The following AKT1S1 variants were observed in gnomAD, a reference collection of about 807,000 sequenced individuals.
AKT1S1 encodes the protein proline-rich AKT1 substrate 1.
In AKT1S1, 17 loss-of-function variants were observed where a neutral mutation model predicts 21.2. That is an observed-to-expected ratio of 0.80 (90% CI 0.55 to 1.20). The LOEUF is 1.20. AKT1S1 is among the 50% of genes most tolerant of loss of function. The pLI is 0.00. For synonymous variants in AKT1S1, 181 were observed against 165.6 expected (o/e 1.09, Z -0.72); for missense variants, 366 against 368.3 (o/e 0.99, Z 0.05).
intron 1 of AKT1S1, chr19:49,875,057 C>T (rs1263045257): frequency 6.6e-6 from 1 of 152,244 alleles, no homozygotes; most frequent in Non-Finnish European, 1.5e-5. Flanking sequence ...AAGATGGGAT[C>T]AACCTTCTCA....
In AKT1S1 at chr19:49,871,734, C is replaced by T. The variant is rs2122371020; in HGVS notation, c.458-18G>A. 6.2e-7 allele frequency: 1 copy of T among 1,611,648 alleles called. No individual in the cohort carries two copies. Among genetic ancestry groups the T allele is most frequent in the East Asian group, 2.2e-5 (1 of 44,840 alleles). On this transcript the variant is annotated intron_variant, in intron 3 of 4. Coordinates refer to ENST00000344175, the MANE Select transcript of AKT1S1 (RefSeq NM_001098633.4). ...GCTGCCATCTGAAAGAGAGGGTGGA[C>T]TTCAGCTTCTGTCCCTGCCTTTGTG... is the stretch of plus-strand genomic sequence containing the variant.
Position 49,871,847 on chromosome 19 carries a change from G to T in AKT1S1, c.422C>A (p.Pro141His), listed in dbSNP as rs781699220. 18 of 1,611,722 alleles carry T rather than the reference G, an allele frequency of 1.1e-5. No individual in the cohort carries two copies. In the African/African-American group the frequency reaches 1.6e-4, roughly 14 times the overall value. ...MDEDATLQDLPPFCESDPEST... is the reference protein window; with the variant it reads ...MDEDATLQDLHPFCESDPEST... ...CTCGGGGTCTGACTCACAGAAGGGG[G>T]GAAGGTCCTGGAGGGTGGCGTCCTC... The change falls in exon 3 of 5, where the codon CCC becomes CAC. Residue 141 changes from proline (P) to histidine (H), a missense_variant. Transcript: ENST00000344175.
At chr19:49,876,390 G>A in intron 1 of AKT1S1, 1 of 1,133,710 alleles carries the variant, frequency 8.8e-7, no homozygotes, top group Non-Finnish European at 1.1e-6. Context: ...GAACCGCAAG[G>A]TGAGACTGTC....
In AKT1S1 at chr19:49,869,920, A is replaced by G. The variant is rs369289733; in HGVS notation, c.768T>C (p.Tyr256=). 1.1e-5 allele frequency: 17 copies of G among 1,521,846 alleles called. No individual in the cohort carries two copies. The highest frequency in any genetic ancestry group is 3.4e-4 in the Middle Eastern group (2 of 5,876). The allele number at this position is 1,521,846 out of a possible 1,614,324, so 94.3% of individuals were successfully genotyped here. ...TSDFQKLKRK[Y] ...CGGGGCGCTCCCTCCCTGGACTTCAATATTTCCGCTTCAGCTTCTGGAAGT... is the reference window on the plus strand; with the variant it reads ...CGGGGCGCTCCCTCCCTGGACTTCAGTATTTCCGCTTCAGCTTCTGGAAGT... Residue 256 remains tyrosine, a synonymous_variant, in exon 5 of 5, where the codon TAT becomes TAC. Coordinates refer to ENST00000344175, the MANE Select transcript of AKT1S1 (RefSeq NM_001098633.4).
At position 49,869,742 on chromosome 19, in the gene AKT1S1, G is replaced by GTATCATTAAAAAA; in HGVS notation, c.*174_*175insTTTTTTAATGATA. 1 of 685,226 alleles carries GTATCATTAAAAAA rather than the reference G, an allele frequency of 1.5e-6. No homozygotes were observed. The allele number at this position is 685,226 out of a possible 1,614,324, so 42.4% of individuals were successfully genotyped here. The stretch of plus-strand genomic sequence containing the variant: ...CGGGACAGATGCCGCTCCTCGGCGC[G>GTATCATTAAAAAA]GCAGGTCGTGGGCTGGAAGGACGGC... On this transcript the variant is annotated 3_prime_UTR_variant, in exon 5 of 5. Coordinates refer to ENST00000344175, the MANE Select transcript of AKT1S1 (RefSeq NM_001098633.4).
At chr19:49,878,353 G>C, upstream of AKT1S1, 1 of 1,244,460 alleles carries the variant, frequency 8.0e-7, no homozygotes, top group Non-Finnish European at 1.1e-6. Flanking sequence ...GGGACCTGAA[G>C]AAGGCTGGGT....
chr19:49,870,206 C>A, intron 4 of AKT1S1, 146 bp from the exon 5 acceptor site: 1 of 999,746 alleles, frequency 1.0e-6, no homozygotes, highest in Non-Finnish European at 1.3e-6. Context: ...CCACTGCCAG[C>A]AGTGCCCCTC....
rs1568665541 is a variant in AKT1S1, at chr19:49,869,880, G to A, written c.*37C>T. 3 of 1,442,742 alleles carry A rather than the reference G, an allele frequency of 2.1e-6. No individual in the cohort carries two copies. Among genetic ancestry groups the A allele is most frequent in the Admixed American group, 2.4e-5 (1 of 42,410 alleles). 89.4% of individuals were successfully genotyped at this position (1,442,742 alleles called of 1,614,324 possible). A position where few individuals can be genotyped will look rare whatever the true frequency, so the allele number is the denominator to read the frequency against. ...GTGGGGCGGGGGCGTAGTGTGGGAC[G>A]GGGCGGACGCGGCCCGGGGCGCTCC... On this transcript the variant is annotated 3_prime_UTR_variant, in exon 5 of 5. Transcript: ENST00000344175.
Position 49,869,743 on chromosome 19 carries a change from G to T in AKT1S1, c.*174C>A. ...GGGACAGATGCCGCTCCTCGGCGCG[G>T]CAGGTCGTGGGCTGGAAGGACGGCG... On this transcript the variant is annotated 3_prime_UTR_variant, in exon 5 of 5. Transcript: ENST00000344175. 2.9e-6 allele frequency: 2 copies of T among 698,236 alleles called. No homozygotes were observed. The highest frequency in any genetic ancestry group is 4.3e-6 in the Non-Finnish European group (2 of 467,578). 43.3% of individuals were successfully genotyped at this position (698,236 alleles called of 1,614,324 possible).
In AKT1S1 at chr19:49,869,780, A is replaced by G; in HGVS notation, c.*137T>C. On this transcript the variant is annotated 3_prime_UTR_variant, in exon 5 of 5. Transcript: ENST00000344175. ...CTGGAAGGACGGCGGGGATTGGCAG[A>G]GGCGGGACAATCTTGGGAATGGGAG... 1.9e-6 allele frequency: 2 copies of G among 1,026,596 alleles called. No homozygotes were observed. Among genetic ancestry groups the G allele is most frequent in the South Asian group, 2.4e-5 (1 of 41,386 alleles). The allele number at this position is 1,026,596 out of a possible 1,614,324, so 63.6% of individuals were successfully genotyped here. A position where few individuals can be genotyped will look rare whatever the true frequency, so the allele number is the denominator to read the frequency against.
At chr19:49,878,207 C>T (rs753384830), upstream of AKT1S1, 7 of 1,565,562 alleles carry the variant, frequency 4.5e-6, no homozygotes, top group South Asian at 1.2e-5. Context: ...GACCGAGACT[C>T]TCTCATCGCT....
chr19:49,877,543 TCCA>T, upstream of AKT1S1: 1 of 583,442 alleles, frequency 1.7e-6, no homozygotes, highest in Non-Finnish European at 2.9e-6. Context: ...GTGACTCCGA[TCCA>T]CCCTCGAGGT....
rs1224744096 is a variant in AKT1S1, at chr19:49,873,660, C to G, written c.-7-358G>C. ...AGAGTCCTAGCAGAGAGGCCTCTAA[C>G]AATAAAACCTGCACTGGGTTCTGAA... On this transcript the variant is annotated intron_variant, in intron 1 of 4. Transcript: ENST00000344175. The surrounding 1 kb of genome is among the most constrained non-coding windows in gnomAD (Gnocchi z 6.9). The G allele has an allele frequency of 3.9e-6, 1 of 255,602 alleles. No homozygotes were observed. The highest frequency in any genetic ancestry group is 7.4e-6 in the Non-Finnish European group (1 of 134,848). The allele number at this position is 255,602 out of a possible 1,614,324, so 15.8% of individuals were successfully genotyped here.
chr19:49,872,889 G>GC, intron 2 of AKT1S1, 28 bp downstream of exon 2: 2 of 1,578,366 alleles, frequency 1.3e-6, no homozygotes, highest in Non-Finnish European at 8.6e-7. Context: ...GCGCTGGGCC[G>GC]CACCCGCCCC....
At chr19:49,871,970 C>T in intron 2 of AKT1S1, 81 bp from the exon 3 acceptor site, 1 of 1,417,408 alleles carries the variant, frequency 7.1e-7, no homozygotes, top group Non-Finnish European at 9.9e-7. Context: ...GCCACGGCCA[C>T]TGCCACAGCC....
At chr19:49,877,468 C>T (rs1048976222), upstream of AKT1S1, 1 of 504,154 alleles carries the variant, frequency 2.0e-6, no homozygotes, top group Admixed American at 3.8e-5. Context: ...TACTTCGTGG[C>T]GAGAGGGCGA....
chr19:49,878,020 C>T (rs1370729483), upstream of AKT1S1: 2 of 853,146 alleles, frequency 2.3e-6, no homozygotes, highest in Non-Finnish European at 3.6e-6. Flanking sequence ...GCCTTGGTCC[C>T]GGGGCAATGG....
rs951497627 is a variant in AKT1S1 at position 49,873,419 on chromosome 19, C to A, written c.-7-117G>T. ...CTCACCACCCTCCACCCACCTTGTC[C>A]CAGCGGTGCTGTGTGTCCTCCCCAA... On this transcript the variant is annotated intron_variant, in intron 1 of 4. Transcript: ENST00000344175. The surrounding 1 kb of genome is among the most constrained non-coding windows in gnomAD (Gnocchi z 6.9). The A allele has an allele frequency of 2.7e-5, 37 of 1,360,702 alleles. No individual in the cohort carries two copies. Among genetic ancestry groups the A allele is most frequent in the Non-Finnish European group, 3.3e-5 (35 of 1,062,404 alleles). The allele number at this position is 1,360,702 out of a possible 1,614,324, so 84.3% of individuals were successfully genotyped here.
At chr19:49,876,233 G>C in intron 1 of AKT1S1, 2 of 1,074,358 alleles carry the variant, frequency 1.9e-6, no homozygotes, top group Non-Finnish European at 2.3e-6. Context: ...CACTGGTCTA[G>C]GAAGAAAACA....
Sources: gnomAD v4.1 joint callset for allele counts on GRCh38, gnomAD v4.1.1 for gene constraint, Gnocchi (gnomAD v3.1) non-coding constraint, MANE v1.5 for transcripts, NCBI Gene and HGNC (gene_info 2026-07-23, HGNC 2026-07-21) for gene names.